The following ADARB2 variants were observed in gnomAD, a reference collection of about 807,000 sequenced individuals.
ADARB2 encodes the protein adenosine deaminase RNA specific B2 (inactive).
In ADARB2, 25 loss-of-function variants were observed where a neutral mutation model predicts 62.2. The ratio of observed to expected loss-of-function variants is 0.40; its 90% CI spans 0.29 to 0.56. The LOEUF is 0.56. Ranked by LOEUF, ADARB2 falls within the 20% of genes least tolerant of loss-of-function variation. ADARB2 has a pLI of 0.43. For missense variants in ADARB2, 1,071 were observed against 1,077.4 expected, an observed-to-expected ratio of 0.99 and a Z score of 0.08; for synonymous variants, 572 against 500.8, an observed-to-expected ratio of 1.14 and a Z score of -1.90.
At chr10:1,396,777 C>T (rs1277259403) in intron 1 of ADARB2, among the ~76,000 whole-genome samples, 2 of 49,482 alleles carry the variant, frequency 4.0e-5, no homozygotes, top group East Asian at 7.0e-4. Context: ...TCACTGTCCT[C>T]CTCTCCCCTC....
At chr10:1,224,545 T>C (rs1419698666) in intron 6 of ADARB2, among the ~76,000 whole-genome samples, 1 of 152,184 alleles carries the variant, frequency 6.6e-6, no homozygotes, top group African/African-American at 2.4e-5. Flanking sequence ...TCTTTCCTGC[T>C]TTCTCTTGTG....
chr10:1,279,691 G>A lies in ADARB2; in HGVS notation c.1078-8622C>T, dbSNP rs141373443. On this transcript the variant is annotated intron_variant, in intron 3 of 9. Coordinates refer to ENST00000381312, the MANE Select transcript of ADARB2 (RefSeq NM_018702.4). The stretch of plus-strand genomic sequence containing the variant: ...ACTCCATGACCTCATTTTGCCGTAA[G>A]TACTTCCTTAGGGTTTTGGACTTGC... 1.7e-3 allele frequency among the ~76,000 whole-genome samples: 260 copies of A among 152,314 alleles called. 7 individuals are homozygous for A. Among genetic ancestry groups the A allele is most frequent in the Non-Finnish European group, 2.6e-4 (18 of 68,038 alleles).
intron 1 of ADARB2, among the ~76,000 whole-genome samples, chr10:1,694,924 C>A (rs142059611): frequency 4.6e-5 from 7 of 152,168 alleles, no homozygotes; most frequent in Admixed American, 3.3e-4. Context: ...CTCCTTTTCA[C>A]GTGAAGCCTC....
At chr10:1,662,252 C>T (rs1212652557) in intron 1 of ADARB2, among the ~76,000 whole-genome samples, 3 of 152,196 alleles carry the variant, frequency 2.0e-5, no homozygotes, top group African/African-American at 7.2e-5. Flanking sequence ...GGAGCCCGGT[C>T]CACGGGTTTG....
chr10:1,624,376 C>G (rs139150816), intron 1 of ADARB2, among the ~76,000 whole-genome samples: 1,645 of 152,298 alleles, frequency 0.011, 13 homozygotes, highest in Middle Eastern at 0.041. Flanking sequence ...ACTCCAGGCT[C>G]CAGCGAGCAT....
intron 1 of ADARB2, among the ~76,000 whole-genome samples, chr10:1,396,793 T>C (rs1192246208): frequency 2.7e-4 from 13 of 47,662 alleles, no homozygotes; most frequent in South Asian, 2.0e-3. Context: ...CCCTCCCGAG[T>C]GGAGGCTTCC....
At chr10:1,512,468 G>C (rs1724301473) in intron 1 of ADARB2, among the ~76,000 whole-genome samples, 1 of 152,192 alleles carries the variant, frequency 6.6e-6, no homozygotes, top group African/African-American at 2.4e-5. Context: ...TACCAAGATG[G>C]GTGTTTCACG....
intron 1 of ADARB2, among the ~76,000 whole-genome samples, chr10:1,664,324 G>A (rs561381039): frequency 1.4e-4 from 22 of 152,258 alleles, no homozygotes; most frequent in African/African-American, 5.3e-4. Flanking sequence ...CAGTATCAAG[G>A]TATGCACTTG....
chr10:1,683,859 G>A (rs556206256), intron 1 of ADARB2, among the ~76,000 whole-genome samples: 6 of 152,314 alleles, frequency 3.9e-5, no homozygotes, highest in Admixed American at 6.5e-5. Flanking sequence ...GTCCGAGGCC[G>A]GATGTGAGGG....
At chr10:1,576,996 G>A (rs1200011661) in intron 1 of ADARB2, among the ~76,000 whole-genome samples, 1 of 152,142 alleles carries the variant, frequency 6.6e-6, no homozygotes, top group Non-Finnish European at 1.5e-5. Flanking sequence ...GGCCCGGGGA[G>A]GCTCAGCAGG....
intron 2 of ADARB2, among the ~76,000 whole-genome samples, chr10:1,370,776 C>T (rs1180328630): frequency 6.6e-6 from 1 of 152,178 alleles, no homozygotes; most frequent in Admixed American, 6.5e-5. Context: ...ACAAGGAGAG[C>T]TACAAAACAC....
At chr10:1,343,769 G>T (rs1832053550) in intron 3 of ADARB2, among the ~76,000 whole-genome samples, 1 of 152,146 alleles carries the variant, frequency 6.6e-6, no homozygotes, top group South Asian at 2.1e-4. Context: ...AACTAATGCA[G>T]GAAAAGAAAG....
intron 1 of ADARB2, among the ~76,000 whole-genome samples, chr10:1,605,249 C>T (rs780322747): frequency 2.0e-5 from 3 of 152,204 alleles, no homozygotes; most frequent in Admixed American, 6.5e-5. Flanking sequence ...CTGAGCGCCT[C>T]GTTCCTTCAG....
rs112327025 is a variant in ADARB2, at chr10:1,388,665, C to T, written c.101-9505G>A. On this transcript the variant is annotated intron_variant, in intron 1 of 9. Transcript: ENST00000381312. Reference sequence around the variant, plus strand: ...GGTATAATCTGAAGAAAAAAAAAGACATGCCAAACCTCTACACTCACATTT... The same window carrying T: ...GGTATAATCTGAAGAAAAAAAAAGATATGCCAAACCTCTACACTCACATTT... Among the ~76,000 whole-genome samples, 392 of 152,084 alleles carry T rather than the reference C, an allele frequency of 2.6e-3. 5 individuals are homozygous for T. The highest frequency in any genetic ancestry group is 9.0e-3 in the African/African-American group (374 of 41,512).
Position 1,501,486 on chromosome 10 carries a change from T to A in ADARB2, c.101-122326A>T, listed in dbSNP as rs149568482. On this transcript the variant is annotated intron_variant, in intron 1 of 9. Coordinates refer to ENST00000381312, the MANE Select transcript of ADARB2 (RefSeq NM_018702.4). ...GAATCAGAGTCACTGGAGGTGGAAC[T>A]CAAGAATCTGCATTAGAATGGCTCT... is the stretch of plus-strand genomic sequence containing the variant. 3.6e-3 allele frequency among the ~76,000 whole-genome samples: 548 copies of A among 152,310 alleles called. 2 individuals are homozygous for A. The highest frequency in any genetic ancestry group is 8.2e-3 in the African/African-American group (342 of 41,566).
chr10:1,671,855 G>T (rs1256068111), intron 1 of ADARB2, among the ~76,000 whole-genome samples: 1 of 152,042 alleles, frequency 6.6e-6, no homozygotes, highest in Non-Finnish European at 1.5e-5. Flanking sequence ...TTAAGGAGAC[G>T]TCGCTGCTTC....
At chr10:1,708,920 A>T (rs1834921499) in intron 1 of ADARB2, among the ~76,000 whole-genome samples, 1 of 152,170 alleles carries the variant, frequency 6.6e-6, no homozygotes, top group Non-Finnish European at 1.5e-5. Context: ...ATGGGTGGAA[A>T]TCCATAGGAG....
chr10:1,614,693 C>T (rs962531248), intron 1 of ADARB2, among the ~76,000 whole-genome samples: 1 of 152,142 alleles, frequency 6.6e-6, no homozygotes, highest in African/African-American at 2.4e-5. Flanking sequence ...GGGCGGATCA[C>T]GAGTTCAGGA....
chr10:1,436,988 A>G (rs1462601661), intron 1 of ADARB2, among the ~76,000 whole-genome samples: 1 of 152,212 alleles, frequency 6.6e-6, no homozygotes, highest in African/African-American at 2.4e-5. Context: ...AATTGCAAGA[A>G]TCAACACATT....
Sources: gnomAD v4.1 joint callset for allele counts (sites outside exome capture counted in the v4.1 genomes callset) on GRCh38, gnomAD v4.1.1 for gene constraint, MANE v1.5 for transcripts, NCBI Gene and HGNC (gene_info 2026-07-23, HGNC 2026-07-21) for gene names.